SKOR2: variants seen among roughly 807,000 people sequenced by gnomAD.
The protein encoded by SKOR2 is SKI family transcriptional corepressor 2, also known as LBX1 corepressor 1-like protein.
In SKOR2, 47 loss-of-function variants were observed where a neutral mutation model predicts 69.1. The ratio of observed to expected loss-of-function variants is 0.68; its 90% CI spans 0.54 to 0.87. SKOR2 has a LOEUF of 0.87. Among genes scored for constraint, SKOR2 ranks in the 40% least tolerant of loss-of-function variants. SKOR2 has a pLI of 0.00. For synonymous variants in SKOR2, 717 were observed against 672.6 expected (o/e 1.07, Z -1.02); for missense variants, 1,404 against 1,472.2 (o/e 0.95, Z 0.76).
rs2064289351 is a variant in SKOR2 at position 47,247,955 on chromosome 18, G to T, written c.1229C>A (p.Thr410Asn). 1.5e-6 allele frequency: 2 copies of T among 1,376,650 alleles called. No individual in the cohort carries two copies. Among genetic ancestry groups the T allele is most frequent in the East Asian group, 6.2e-5 (2 of 32,280 alleles). The allele number at this position is 1,376,650 out of a possible 1,614,324, so 85.3% of individuals were successfully genotyped here. The change falls in exon 2 of 9, where the codon ACC (threonine) becomes AAC (asparagine). Residue 410 changes from threonine to asparagine, a missense_variant. Physicochemically the swap from Thr to Asn is moderately conservative, Grantham distance 65. This residue lies in a region of SKOR2 where 1,266 missense variants were observed against 1,309.9 expected (regional missense o/e 0.97). Transcript: ENST00000425639. The surrounding 1 kb of genome is among the most constrained non-coding windows in gnomAD (Gnocchi z 6.6). ...GAAGGCGGCGGCCGCGGCAGGGAAG[G>T]TGTAGGGGTGCGGGAAGAGCCCGCC... ...GCGGLFPHPY[T>N]FPAAAAAFSL...
intron 6 of SKOR2, among the ~76,000 whole-genome samples, chr18:47,223,456 A>G (rs2064168043): frequency 1.3e-5 from 2 of 152,230 alleles, no homozygotes; most frequent in Admixed American, 6.5e-5. Flanking sequence ...TAAGACTTTT[A>G]AAAAGTTCAT....
intron 4 of SKOR2, among the ~76,000 whole-genome samples, chr18:47,243,807 TAA>T (rs2064259236): frequency 6.6e-6 from 1 of 152,160 alleles, no homozygotes; most frequent in Admixed American, 6.5e-5. Flanking sequence ...AACAAACAGG[TAA>T]TGCCATAATG....
At chr18:47,241,498 C>G (rs1486994567) in intron 4 of SKOR2, among the ~76,000 whole-genome samples, 1 of 152,102 alleles carries the variant, frequency 6.6e-6, no homozygotes, top group Admixed American at 6.5e-5. Flanking sequence ...ATCTGAGGAC[C>G]ACAAGCTAAT....
Position 47,244,593 on chromosome 18 carries a change from A to G in SKOR2, c.2752+315T>C, listed in dbSNP as rs144100096. The stretch of plus-strand genomic sequence containing the variant: ...TAATGTCTTTCTGACAGATATTAAA[A>G]GCAATAAGCTGTGATCCTTTTTAAT... On this transcript the variant is annotated intron_variant, in intron 4 of 8. Coordinates refer to ENST00000425639, the MANE Select transcript of SKOR2 (RefSeq NM_001278063.4). 9.8e-5 allele frequency among the ~76,000 whole-genome samples: 15 copies of G among 152,358 alleles called. 1 individual carries two copies. The East Asian group carries it at 2.9e-3, about 29-fold the overall frequency.
Position 47,247,095 on chromosome 18 carries a change from GC to G in SKOR2, c.2088del (p.Pro697ArgfsTer85). The G allele has an allele frequency of 1.5e-6, 2 of 1,348,978 alleles. No individual in the cohort carries two copies. The highest frequency in any genetic ancestry group is 1.9e-6 in the Non-Finnish European group (2 of 1,056,802). The allele number at this position is 1,348,978 out of a possible 1,614,324, so 83.6% of individuals were successfully genotyped here. A position where few individuals can be genotyped will look rare whatever the true frequency, so the allele number is the denominator to read the frequency against. On this transcript the variant is annotated frameshift_variant, in exon 2 of 9. Transcript: ENST00000425639. LOFTEE classifies it high-confidence loss of function. This position sits in a 1 kb window ranked among gnomAD's most constrained non-coding sequence, Gnocchi z 6.6. ...PGSERHHPAP[P>X]PPPPPPPPPP... Reference sequence around the variant, plus strand: ...GGCGGCGGGGGCGGCGGCGGCGGCGGCGGCGGGGCCGGGTGGTGGCGCTCGG... The same window carrying G: ...GGCGGCGGGGGCGGCGGCGGCGGCGGGGCGGGGCCGGGTGGTGGCGCTCGG...
In SKOR2 at chr18:47,247,570, G is replaced by T; in HGVS notation, c.1614C>A (p.Asn538Lys). The change falls in exon 2 of 9, where the codon AAC (asparagine) becomes AAA (lysine). Residue 538 changes from asparagine (N) to lysine (K), a missense_variant. This residue lies in a region of SKOR2 where 1,266 missense variants were observed against 1,309.9 expected (regional missense o/e 0.97). Coordinates refer to ENST00000425639, the MANE Select transcript of SKOR2 (RefSeq NM_001278063.4). The surrounding 1 kb of genome is among the most constrained non-coding windows in gnomAD (Gnocchi z 6.6). ...PPGQPPQVVA[N>K]GPGSGPPPPA... ...GAGGAGGTGGGCCGGAGCCCGGGCC[G>T]TTGGCCACTACCTGCGGGGGCTGCC... is the stretch of plus-strand genomic sequence containing the variant. 2 of 1,242,792 alleles carry T rather than the reference G, an allele frequency of 1.6e-6. No homozygotes were observed. The highest frequency in any genetic ancestry group is 2.0e-6 in the Non-Finnish European group (2 of 994,654). 77.0% of individuals were successfully genotyped at this position (1,242,792 alleles called of 1,614,324 possible). A position where few individuals can be genotyped will look rare whatever the true frequency, so the allele number is the denominator to read the frequency against.
At position 47,247,541 on chromosome 18, in the gene SKOR2, G is replaced by A; in HGVS notation, c.1643C>T (p.Ala548Val). The change falls in exon 2 of 9, where the codon GCC becomes GTC. Residue 548 changes from alanine (A) to valine (V), a missense_variant. Ala to Val is a moderately conservative substitution (Grantham distance 64, BLOSUM62 0). Coordinates refer to ENST00000425639, the MANE Select transcript of SKOR2 (RefSeq NM_001278063.4). The surrounding 1 kb of genome is among the most constrained non-coding windows in gnomAD (Gnocchi z 6.6). ...NGPGSGPPPPAGGAGSRDALF... is the reference protein window; with the variant it reads ...NGPGSGPPPPVGGAGSRDALF... The stretch of plus-strand genomic sequence containing the variant: ...CGCGTCGCGAGAGCCGGCGCCCCCG[G>A]CAGGAGGAGGTGGGCCGGAGCCCGG... The A allele has an allele frequency of 8.2e-7, 1 of 1,219,734 alleles. No individual in the cohort carries two copies. Among genetic ancestry groups the A allele is most frequent in the Non-Finnish European group, 1.0e-6 (1 of 981,062 alleles). The allele number at this position is 1,219,734 out of a possible 1,614,324, so 75.6% of individuals were successfully genotyped here.
At chr18:47,227,333 T>G (rs2064182108) in intron 6 of SKOR2, among the ~76,000 whole-genome samples, 2 of 130,910 alleles carry the variant, frequency 1.5e-5, no homozygotes, top group Admixed American at 7.4e-5. Context: ...CCAATTTTTT[T>G]TTTTTTTTTT....
intron 7 of SKOR2, among the ~76,000 whole-genome samples, chr18:47,218,512 C>T (rs1261419494): frequency 6.8e-6 from 1 of 145,996 alleles, no homozygotes; most frequent in Non-Finnish European, 1.5e-5. Context: ...ATTGCTTGAG[C>T]CCAGGAGTTG....
chr18:47,225,639 G>A (rs2064176007), intron 6 of SKOR2, among the ~76,000 whole-genome samples: 1 of 152,150 alleles, frequency 6.6e-6, no homozygotes, highest in Admixed American at 6.5e-5. Flanking sequence ...TACTAGAAAT[G>A]AACACAACAG....
rs10670977 is a variant in SKOR2, at chr18:47,245,478, A to ATTTTTTTTTTTTTTT, written c.2677+5_2677+19dup. The ATTTTTTTTTTTTTTT allele has an allele frequency of 2.7e-3, 3,185 of 1,196,068 alleles. 168 individuals are homozygous for ATTTTTTTTTTTTTTT. The African/African-American group carries it at 0.027, about 10-fold the overall frequency. The allele number at this position is 1,196,068 out of a possible 1,614,324, so 74.1% of individuals were successfully genotyped here. A position where few individuals can be genotyped will look rare whatever the true frequency, so the allele number is the denominator to read the frequency against. ...ATGCAGGCAAGAAAAGTGGCAGCTGATTTTTTTTTTTTTTTTTACCTGAAA... is the reference window on the plus strand; with the variant it reads ...ATGCAGGCAAGAAAAGTGGCAGCTGATTTTTTTTTTTTTTTTTTTTTTTTTTTTTTTTACCTGAAA... On this transcript the variant is annotated intron_variant, in intron 3 of 8. Transcript: ENST00000425639.
chr18:47,250,797 G>T (rs1230424710), intron 1 of SKOR2, among the ~76,000 whole-genome samples: 1 of 152,182 alleles, frequency 6.6e-6, no homozygotes, highest in Non-Finnish European at 1.5e-5. Flanking sequence ...ATTTCCAGGG[G>T]ACAGGGCGTT....
chr18:47,247,071 G>T lies in SKOR2; in HGVS notation c.2113C>A (p.Pro705Thr), dbSNP rs1173683615. 4 of 1,389,084 alleles carry T rather than the reference G, an allele frequency of 2.9e-6. No homozygotes were observed. The Admixed American group carries it at 9.1e-5, about 32-fold the overall frequency. 86.0% of individuals were successfully genotyped at this position (1,389,084 alleles called of 1,614,324 possible). A position where few individuals can be genotyped will look rare whatever the true frequency, so the allele number is the denominator to read the frequency against. The stretch of plus-strand genomic sequence containing the variant: ...TGGTGCGGGTGCTGGGCCAGAGGGG[G>T]CGGCGGGGGCGGCGGCGGCGGCGGC... ...PPPPPPPPPP[P>T]PLAQHPHHRG... Residue 705 changes from proline to threonine, a missense_variant, in exon 2 of 9, where the codon CCC becomes ACC. Physicochemically the swap from Pro to Thr is conservative, Grantham distance 38 (BLOSUM62 -1). Coordinates refer to ENST00000425639, the MANE Select transcript of SKOR2 (RefSeq NM_001278063.4). The surrounding 1 kb of genome is among the most constrained non-coding windows in gnomAD (Gnocchi z 6.6).
rs1568081561 is a variant in SKOR2 at position 47,206,845 on chromosome 18, T to C, written c.*51A>G. ...TTTAACACGGGTCAGAAGTGCTCCA[T>C]GGCAGGCTGTATCTTACAAGAGAAC... On this transcript the variant is annotated 3_prime_UTR_variant, in exon 9 of 9. Coordinates refer to ENST00000425639, the MANE Select transcript of SKOR2 (RefSeq NM_001278063.4). 2 of 152,322 alleles carry C rather than the reference T, an allele frequency of 1.3e-5. No individual in the cohort carries two copies. The highest frequency in any genetic ancestry group is 2.9e-5 in the Non-Finnish European group (2 of 68,048). The allele number at this position is 152,322 out of a possible 1,614,324, so 9.4% of individuals were successfully genotyped here. A position where few individuals can be genotyped will look rare whatever the true frequency, so the allele number is the denominator to read the frequency against.
intron 4 of SKOR2, among the ~76,000 whole-genome samples, chr18:47,236,521 G>C (rs1489821560): frequency 6.6e-6 from 1 of 151,940 alleles, no homozygotes; most frequent in Non-Finnish European, 1.5e-5. Flanking sequence ...AGAAGGGGGT[G>C]GGGGGCTTTG....
chr18:47,249,106 C>T lies in SKOR2; in HGVS notation c.78G>A (p.Leu26=), dbSNP rs1364606079. 2.6e-6 allele frequency: 4 copies of T among 1,536,176 alleles called. No individual in the cohort carries two copies. The highest frequency in any genetic ancestry group is 4.9e-5 in the East Asian group (2 of 40,910). Residue 26 remains leucine, a synonymous_variant, in exon 2 of 9, where the codon CTG becomes CTA. Transcript: ENST00000425639. ...SPSSAFQPDT[L]SQPRPGHANL... is the part of the protein sequence containing the mutation. ...TGGCGTGCCCTGGCCGCGGCTGGCT[C>T]AGCGTGTCGGGCTGGAAGGCGCTCG...
chr18:47,227,790 C>T (rs11661230), intron 6 of SKOR2, among the ~76,000 whole-genome samples: 2,400 of 152,330 alleles, frequency 0.016, 16 homozygotes, highest in Non-Finnish European at 0.023. Flanking sequence ...ATTCAGTCCT[C>T]TCATTCTTCT....
chr18:47,243,580 G>C (rs1953194310), intron 4 of SKOR2, among the ~76,000 whole-genome samples: 1 of 152,038 alleles, frequency 6.6e-6, no homozygotes, highest in African/African-American at 2.4e-5. Context: ...TCCATTTCAG[G>C]CCTCAATTTT....
intron 1 of SKOR2, among the ~76,000 whole-genome samples, chr18:47,250,847 C>T (rs941422450): frequency 6.6e-6 from 1 of 152,168 alleles, no homozygotes; most frequent in East Asian, 1.9e-4. Context: ...GAGTCTGATA[C>T]AACCAACACT....
Sources: gnomAD v4.1 joint callset for allele counts (sites outside exome capture counted in the v4.1 genomes callset) on GRCh38, gnomAD v4.1.1 for gene constraint, gnomAD v4.1.1 regional missense constraint, Gnocchi (gnomAD v3.1) non-coding constraint, MANE v1.5 for transcripts, NCBI Gene and HGNC (gene_info 2026-07-23, HGNC 2026-07-21) for gene names.